RFC3: variants seen among roughly 807,000 people sequenced by gnomAD.
The protein encoded by RFC3 is replication factor C subunit 3, also known as A1 38 kDa subunit.
A neutral mutation model predicts 45.1 loss-of-function variants in RFC3; 41 were observed. The ratio of observed to expected loss-of-function variants is 0.91; its 90% CI spans 0.71 to 1.18. RFC3 has a LOEUF of 1.18. Ranked by LOEUF, RFC3 falls within the 50% of genes most tolerant of loss-of-function variation. The pLI, the probability that RFC3 is intolerant of heterozygous loss-of-function variation, is 0.00. For missense variants in RFC3, 423 were observed against 428.1 expected (o/e 0.99, Z 0.10); for synonymous variants, 149 against 144.0 (o/e 1.03, Z -0.25).
chr13:33,928,181 C>A (rs2137760502), intron 8 of RFC3, among the ~76,000 whole-genome samples: 1 of 152,182 alleles, frequency 6.6e-6, no homozygotes, highest in South Asian at 2.1e-4. Flanking sequence ...GTATTCCCAA[C>A]CACTTCTCTC....
chr13:33,859,230 T>A (rs1046684124), intron 8 of RFC3, among the ~76,000 whole-genome samples: 1 of 152,166 alleles, frequency 6.6e-6, no homozygotes, highest in Non-Finnish European at 1.5e-5. Flanking sequence ...ACTCTAAATC[T>A]GTGTATCGTC....
At chr13:33,920,820 T>C (rs2082764229) in intron 8 of RFC3, among the ~76,000 whole-genome samples, 1 of 152,128 alleles carries the variant, frequency 6.6e-6, no homozygotes, top group South Asian at 2.1e-4. Context: ...GATCATGAAG[T>C]ATTGGTAGCA....
intron 8 of RFC3, among the ~76,000 whole-genome samples, chr13:33,929,854 A>G (rs2137766133): frequency 6.6e-6 from 1 of 152,168 alleles, no homozygotes; most frequent in South Asian, 2.1e-4. Flanking sequence ...ATTTTTATGA[A>G]TCTTTGTGTG....
intron 8 of RFC3, among the ~76,000 whole-genome samples, chr13:33,948,630 A>T (rs573546994): frequency 6.6e-6 from 1 of 152,292 alleles, no homozygotes; most frequent in Admixed American, 6.5e-5. Context: ...CAGCCAGGAG[A>T]GGGGCTGTAC....
chr13:33,880,508 A>T (rs9315262), intron 8 of RFC3, among the ~76,000 whole-genome samples: 4 of 152,070 alleles, frequency 2.6e-5, no homozygotes, highest in East Asian at 3.9e-4. Context: ...ATAACTGCAC[A>T]GTCCAATAAG....
chr13:33,875,183 T>A (rs1194366721), intron 8 of RFC3, among the ~76,000 whole-genome samples: 1 of 152,202 alleles, frequency 6.6e-6, no homozygotes, highest in African/African-American at 2.4e-5. Flanking sequence ...ACCTTGCTAA[T>A]GGAGGTTATG....
At position 33,830,083 on chromosome 13, in the gene RFC3, T is replaced by C. The variant is rs540887426; in HGVS notation, c.573+66T>C. On this transcript the variant is annotated intron_variant, in intron 5 of 8. Transcript: ENST00000380071. ...GATTCTCTGAATATTGTATGCTTGT[T>C]GTAAAAGAAGGGAATCGTATCAGTA... The C allele has an allele frequency of 7.1e-6, 10 of 1,402,982 alleles. No individual in the cohort carries two copies. The East Asian group carries it at 1.1e-4, about 16-fold the overall frequency. The allele number at this position is 1,402,982 out of a possible 1,614,324, so 86.9% of individuals were successfully genotyped here.
At chr13:33,910,697 G>A (rs528731961) in intron 8 of RFC3, among the ~76,000 whole-genome samples, 1 of 152,058 alleles carries the variant, frequency 6.6e-6, no homozygotes, top group Non-Finnish European at 1.5e-5. Context: ...AGGTGTATTA[G>A]TCTGTTCTTA....
intron 8 of RFC3, among the ~76,000 whole-genome samples, chr13:33,887,196 T>C: frequency 6.8e-6 from 1 of 147,952 alleles, no homozygotes; most frequent in Non-Finnish European, 1.5e-5. Context: ...TCTAGATCCC[T>C]GAGGAATCAC....
At chr13:33,962,059 T>G (rs540838454) in intron 8 of RFC3, among the ~76,000 whole-genome samples, 1 of 152,318 alleles carries the variant, frequency 6.6e-6, no homozygotes, top group Admixed American at 6.5e-5. Flanking sequence ...CAAGCCCTTC[T>G]TCTGGCTGTA....
intron 8 of RFC3, among the ~76,000 whole-genome samples, chr13:33,894,185 G>A (rs1274413673): frequency 1.3e-5 from 2 of 152,198 alleles, no homozygotes; most frequent in African/African-American, 4.8e-5. Context: ...TCCCCAGAGT[G>A]TGAGAGGGGG....
At chr13:33,962,236 T>A (rs1435768626) in intron 8 of RFC3, among the ~76,000 whole-genome samples, 1 of 152,162 alleles carries the variant, frequency 6.6e-6, no homozygotes, top group Non-Finnish European at 1.5e-5. Context: ...TGAGGGGGGA[T>A]ATGTAAAGGA....
intron 8 of RFC3, among the ~76,000 whole-genome samples, chr13:33,891,980 A>C (rs540665217): frequency 2.0e-5 from 3 of 151,974 alleles, no homozygotes; most frequent in African/African-American, 7.2e-5. Flanking sequence ...CAACCAGGAA[A>C]AAAAACAGAT....
intron 8 of RFC3, among the ~76,000 whole-genome samples, chr13:33,864,629 T>C (rs2082361726): frequency 6.6e-6 from 1 of 152,060 alleles, no homozygotes; most frequent in African/African-American, 2.4e-5. Flanking sequence ...TGGAGAGTTA[T>C]GGGGCTGGGA....
At position 33,957,056 on chromosome 13, in the gene RFC3, TTATC is replaced by T. The variant is rs1386515579; in HGVS notation, c.880-9028_880-9025del. ...ATGATCATCGTCAACTATTATCTATTTATCTACTGATCTATATTTAAACATGTCC... is the reference window on the plus strand; with the variant it reads ...ATGATCATCGTCAACTATTATCTATTTACTGATCTATATTTAAACATGTCC... On this transcript the variant is annotated intron_variant, in intron 8 of 8. Coordinates refer to the RFC3 transcript ENST00000434425. 2.6e-5 allele frequency among the ~76,000 whole-genome samples: 4 copies of T among 152,360 alleles called. No homozygotes were observed. In the South Asian group the frequency reaches 6.2e-4, roughly 24 times the overall value.
At chr13:33,868,206 G>A (rs926749293) in intron 8 of RFC3, among the ~76,000 whole-genome samples, 1 of 152,098 alleles carries the variant, frequency 6.6e-6, no homozygotes, top group Non-Finnish European at 1.5e-5. Flanking sequence ...GCTATTGTTC[G>A]GAAAGTCAAG....
At chr13:33,893,075 A>T (rs1179634293) in intron 8 of RFC3, among the ~76,000 whole-genome samples, 1 of 152,214 alleles carries the variant, frequency 6.6e-6, no homozygotes, top group Non-Finnish European at 1.5e-5. Flanking sequence ...ACAGGCCGAG[A>T]GAAGGGAAGG....
At chr13:33,896,833 G>A (rs901657861) in intron 8 of RFC3, among the ~76,000 whole-genome samples, 3 of 147,988 alleles carry the variant, frequency 2.0e-5, no homozygotes, top group Admixed American at 1.4e-4. Flanking sequence ...GAGTGAAACT[G>A]CATTTTTAAA....
chr13:33,889,537 A>T (rs575307437), intron 8 of RFC3, among the ~76,000 whole-genome samples: 1 of 152,256 alleles, frequency 6.6e-6, no homozygotes, highest in East Asian at 1.9e-4. Context: ...ACCACCTCAA[A>T]CCTTTATTAC....
Sources: gnomAD v4.1 joint callset for allele counts (sites outside exome capture counted in the v4.1 genomes callset) on GRCh38, gnomAD v4.1.1 for gene constraint, MANE v1.5 for transcripts, NCBI Gene and HGNC (gene_info 2026-07-23, HGNC 2026-07-21) for gene names.